The following BTBD9 variants were observed in gnomAD, a reference collection of about 807,000 sequenced individuals.
BTBD9 encodes the protein BTB domain containing 9, also known as BTB/POZ domain-containing protein 9.
BTBD9 carries 49 observed loss-of-function variants against 64.3 expected under a neutral mutation model. The observed-to-expected ratio is 0.76, with a 90% CI of 0.61 to 0.97. BTBD9 has a LOEUF of 0.97. Ranked by LOEUF, BTBD9 falls within the 50% of genes least tolerant of loss-of-function variation. The pLI, the probability that BTBD9 is intolerant of heterozygous loss-of-function variation, is 0.00. For missense variants in BTBD9, 598 were observed against 762.1 expected, an observed-to-expected ratio of 0.78 and a Z score of 2.53; for synonymous variants, 260 against 274.7, an observed-to-expected ratio of 0.95 and a Z score of 0.53.
chr6:38,204,214 C>T (rs941502131), intron 9 of BTBD9, among the ~76,000 whole-genome samples: 2 of 152,120 alleles, frequency 1.3e-5, no homozygotes, highest in African/African-American at 4.8e-5. Flanking sequence ...AAAAATTCTA[C>T]TTCAAGATAC....
intron 6 of BTBD9, among the ~76,000 whole-genome samples, chr6:38,529,921 T>C (rs548406826): frequency 7.9e-5 from 12 of 152,140 alleles, no homozygotes; most frequent in African/African-American, 2.9e-4. Flanking sequence ...GCCTGCGGGG[T>C]CAGGCAAAAA....
chr6:38,534,475 C>CA (rs57383061), intron 6 of BTBD9, among the ~76,000 whole-genome samples: 5,542 of 94,818 alleles, frequency 0.058, 166 homozygotes, highest in East Asian at 0.19. Flanking sequence ...TCAAACTGTT[C>CA]AAAAAAAAAA....
chr6:38,280,761 T>C (rs1210161694), intron 8 of BTBD9, among the ~76,000 whole-genome samples: 1 of 152,228 alleles, frequency 6.6e-6, no homozygotes, highest in African/African-American at 2.4e-5. Context: ...CTCAGTCATT[T>C]GCTGGAGATG....
chr6:38,614,187 G>T (rs750711965), intron 1 of BTBD9, among the ~76,000 whole-genome samples: 1 of 152,124 alleles, frequency 6.6e-6, no homozygotes, highest in Non-Finnish European at 1.5e-5. Context: ...CTCAGAACAA[G>T]CTTCAAGCCC....
chr6:38,593,866 AT>A (rs1270053643), intron 3 of BTBD9, 97 bp downstream of exon 3: 13 of 1,135,414 alleles, frequency 1.1e-5, no homozygotes, highest in African/African-American at 1.6e-5. Flanking sequence ...GATACCAATG[AT>A]TTTTTTTATT....
chr6:38,422,718 G>C (rs989903683), intron 6 of BTBD9, among the ~76,000 whole-genome samples: 6 of 152,106 alleles, frequency 3.9e-5, no homozygotes, highest in Admixed American at 3.9e-4. Flanking sequence ...CAGAGGTCAC[G>C]ATTTGCCTCC....
At chr6:38,494,722 C>G (rs768412174) in intron 6 of BTBD9, among the ~76,000 whole-genome samples, 2 of 152,150 alleles carry the variant, frequency 1.3e-5, no homozygotes, top group African/African-American at 4.8e-5. Context: ...TAAAATGGAT[C>G]CAAATATTTT....
intron 7 of BTBD9, among the ~76,000 whole-genome samples, chr6:38,289,339 C>T (rs928049288): frequency 2.0e-5 from 3 of 152,136 alleles, no homozygotes. Context: ...ATGCCACTGT[C>T]CTCCAGCCTT....
rs148160573 is a variant in BTBD9 at position 38,488,712 on chromosome 6, G to A, written c.1154+88888C>T. The stretch of plus-strand genomic sequence containing the variant: ...GTGAAGTCTCAACCCATTTTGTTAA[G>A]AAAAATTAATGTTTCTTTTTTTATA... On this transcript the variant is annotated intron_variant, in intron 6 of 10. Coordinates refer to ENST00000481247, the MANE Select transcript of BTBD9 (RefSeq NM_001099272.2). Among the ~76,000 whole-genome samples, 89 of 152,160 alleles carry A rather than the reference G, an allele frequency of 5.8e-4. 1 individual carries two copies. The highest frequency in any genetic ancestry group is 1.9e-3 in the African/African-American group (80 of 41,510).
At chr6:38,493,992 T>C (rs190072143) in intron 6 of BTBD9, among the ~76,000 whole-genome samples, 1 of 152,232 alleles carries the variant, frequency 6.6e-6, no homozygotes. Flanking sequence ...TTCAAACAAG[T>C]TTCCACAGCT....
intron 9 of BTBD9, among the ~76,000 whole-genome samples, chr6:38,254,038 A>G (rs985528496): frequency 6.7e-6 from 1 of 149,270 alleles, no homozygotes; most frequent in Non-Finnish European, 1.5e-5. Context: ...TCTCAGTGGC[A>G]TGTGAGTGGA....
rs1457648680 is a variant in BTBD9, at chr6:38,351,504, GTTGTTTTTTTTTT to G, written c.1155-6424_1155-6412del. Among the ~76,000 whole-genome samples, 122 of 96,690 alleles carry G rather than the reference GTTGTTTTTTTTTT, an allele frequency of 1.3e-3. 1 individual carries two copies. The highest frequency in any genetic ancestry group is 4.5e-3 in the African/African-American group (120 of 26,834). 63.4% of individuals were successfully genotyped at this position (96,690 alleles called of 152,430 possible). A position where few individuals can be genotyped will look rare whatever the true frequency, so the allele number is the denominator to read the frequency against. On this transcript the variant is annotated intron_variant, in intron 6 of 10. Transcript: ENST00000481247. ...TACTAAAGACAAATATTTAATTGTT[GTTGTTTTTTTTTT>G]TTTTTTTTTTGAGATGGAGTCTCAC...
chr6:38,220,209 C>T (rs1763154360), intron 9 of BTBD9, among the ~76,000 whole-genome samples: 1 of 152,208 alleles, frequency 6.6e-6, no homozygotes, highest in Non-Finnish European at 1.5e-5. Context: ...CACGGCCCCA[C>T]CTTCCTCAGC....
At position 38,439,110 on chromosome 6, in the gene BTBD9, C is replaced by CTTTTTTTTTTTTTTTT. The variant is rs35699356; in HGVS notation, c.1155-94033_1155-94018dup. Among the ~76,000 whole-genome samples the CTTTTTTTTTTTTTTTT allele has an allele frequency of 3.6e-4, 23 of 64,054 alleles. 1 individual carries two copies. The highest frequency in any genetic ancestry group is 1.5e-3 in the African/African-American group (22 of 14,586). The allele number at this position is 64,054 out of a possible 152,430, so 42.0% of individuals were successfully genotyped here. ...TCTTGTAGGCTCGTGTAGCAACTGA[C>CTTTTTTTTTTTTTTTT]TTTTTTTTTTTTTTTTTTTTTTTTG... is the stretch of plus-strand genomic sequence containing the variant. On this transcript the variant is annotated intron_variant, in intron 6 of 10. Transcript: ENST00000481247.
Position 38,171,917 on chromosome 6 carries a change from T to C in BTBD9, c.*3068A>G, listed in dbSNP as rs574781083. ...TAATAATAATAATAATAATGAAAAGTGAAGGGTGGGGGTGCTGGCCACCTC... is the reference window on the plus strand; with the variant it reads ...TAATAATAATAATAATAATGAAAAGCGAAGGGTGGGGGTGCTGGCCACCTC... On this transcript the variant is annotated 3_prime_UTR_variant, in exon 11 of 11. Coordinates refer to ENST00000481247, the MANE Select transcript of BTBD9 (RefSeq NM_001099272.2). 8.1e-6 allele frequency: 1 copy of C among 124,070 alleles called. No homozygotes were observed. Among genetic ancestry groups the C allele is most frequent in the African/African-American group, 3.1e-5 (1 of 31,846 alleles). The allele number at this position is 124,070 out of a possible 1,614,324, so 7.7% of individuals were successfully genotyped here. A position where few individuals can be genotyped will look rare whatever the true frequency, so the allele number is the denominator to read the frequency against.
chr6:38,240,657 A>G (rs1763961670), intron 9 of BTBD9, among the ~76,000 whole-genome samples: 1 of 152,246 alleles, frequency 6.6e-6, no homozygotes, highest in Non-Finnish European at 1.5e-5. Flanking sequence ...AAATTCATAA[A>G]GTTAATTAAT....
In BTBD9 at chr6:38,224,279, C is replaced by T. The variant is rs971398273; in HGVS notation, c.1563-31682G>A. Among the ~76,000 whole-genome samples, 16 of 152,284 alleles carry T rather than the reference C, an allele frequency of 1.1e-4. No homozygotes were observed. The East Asian group carries it at 2.5e-3, about 24-fold the overall frequency. On this transcript the variant is annotated intron_variant, in intron 9 of 10. Coordinates refer to ENST00000481247, the MANE Select transcript of BTBD9 (RefSeq NM_001099272.2). ...TAAGATTTGAGTCTCATAGTCTGCA[C>T]GACCTCTTTTTCTATGTTTTCATTC...
At chr6:38,193,514 A>C (rs940986187) in intron 9 of BTBD9, among the ~76,000 whole-genome samples, 37 of 152,224 alleles carry the variant, frequency 2.4e-4, no homozygotes, top group African/African-American at 8.7e-4. Context: ...CTCATTGATC[A>C]GCATGGGCCA....
chr6:38,569,749 A>T (rs1321012090), intron 6 of BTBD9, among the ~76,000 whole-genome samples: 1 of 152,158 alleles, frequency 6.6e-6, no homozygotes, highest in Non-Finnish European at 1.5e-5. Context: ...GTCATTTCTC[A>T]AAGGTCTTAC....
Sources: gnomAD v4.1 joint callset for allele counts (sites outside exome capture counted in the v4.1 genomes callset) on GRCh38, gnomAD v4.1.1 for gene constraint, MANE v1.5 for transcripts, NCBI Gene and HGNC (gene_info 2026-07-23, HGNC 2026-07-21) for gene names.